Variants in COL25A1 observed in about 807,000 individuals in gnomAD.
COL25A1 encodes the protein collagen type XXV alpha 1 chain.
Under a neutral mutation model 128.4 loss-of-function variants are expected in COL25A1, and 103 were observed. The observed-to-expected ratio is 0.80, with a 90% CI of 0.68 to 0.94. The LOEUF is 0.94. COL25A1 is among the 40% of genes least tolerant of loss of function. The pLI is 0.00. For synonymous variants in COL25A1, 279 were observed against 277.2 expected (o/e 1.01, Z -0.06); for missense variants, 745 against 840.0 (o/e 0.89, Z 1.40).
intron 6 of COL25A1, among the ~76,000 whole-genome samples, chr4:108,978,667 C>T (rs1752668598): frequency 6.6e-6 from 1 of 152,016 alleles, no homozygotes; most frequent in African/African-American, 2.4e-5. Context: ...CCAACTAAAC[C>T]AAGCTCAACA....
At chr4:109,020,091 T>TACAG (rs1560551464) in intron 5 of COL25A1, among the ~76,000 whole-genome samples, 1 of 151,606 alleles carries the variant, frequency 6.6e-6, no homozygotes, top group African/African-American at 2.4e-5. Flanking sequence ...AATGATATAC[T>TACAG]AGAGAAGCAA....
chr4:108,836,693 A>C (rs1307908023), intron 31 of COL25A1, among the ~76,000 whole-genome samples: 3 of 151,994 alleles, frequency 2.0e-5, no homozygotes. Context: ...TTACACTGAT[A>C]ATATTATATC....
intron 8 of COL25A1, among the ~76,000 whole-genome samples, chr4:108,947,000 G>C (rs1748837913): frequency 6.6e-6 from 1 of 152,140 alleles, no homozygotes; most frequent in South Asian, 2.1e-4. Context: ...TCTGTAGCTT[G>C]GACAATGGAA....
chr4:109,189,062 G>A (rs1775372136), intron 3 of COL25A1, among the ~76,000 whole-genome samples: 1 of 144,860 alleles, frequency 6.9e-6, no homozygotes, highest in South Asian at 2.1e-4. Context: ...TTAAAAAGAT[G>A]GATAATATTT....
Position 109,047,728 on chromosome 4 carries a change from C to CTTTTTTTTTTTTTTT in COL25A1, c.420+425_420+439dup, listed in dbSNP as rs59105153. On this transcript the variant is annotated intron_variant, in intron 5 of 37. Coordinates refer to ENST00000399132, the MANE Select transcript of COL25A1 (RefSeq NM_198721.4). ...TAATTTTCCAAACTTTAAGTATACT[C>CTTTTTTTTTTTTTTT]TTTTTTTTTTTTTTTTTTTTTTTAG... Among the ~76,000 whole-genome samples, 2 of 132,192 alleles carry CTTTTTTTTTTTTTTT rather than the reference C, an allele frequency of 1.5e-5. 1 individual carries two copies. The highest frequency in any genetic ancestry group is 4.6e-4 in the South Asian group (2 of 4,316). 86.7% of individuals were successfully genotyped at this position (132,192 alleles called of 152,430 possible).
chr4:109,033,753 A>G (rs1386697744), intron 5 of COL25A1, among the ~76,000 whole-genome samples: 8 of 152,138 alleles, frequency 5.3e-5, no homozygotes, highest in African/African-American at 1.9e-4. Context: ...AAAAAAAGCT[A>G]ATTTATTTTG....
At chr4:108,819,392 C>A in intron 35 of COL25A1, 63 bp from the exon 36 acceptor site, 1 of 1,333,658 alleles carries the variant, frequency 7.5e-7, no homozygotes, top group East Asian at 2.4e-5. Flanking sequence ...ACAAATTCTG[C>A]GAAAGAAGTA....
intron 33 of COL25A1, among the ~76,000 whole-genome samples, chr4:108,826,568 T>A (rs183041625): frequency 6.6e-6 from 1 of 152,230 alleles, no homozygotes; most frequent in Non-Finnish European, 1.5e-5. Context: ...AGAGAAGAAT[T>A]TTCAGAAGAC....
At chr4:109,010,083 C>T (rs992731900) in intron 6 of COL25A1, among the ~76,000 whole-genome samples, 9 of 152,282 alleles carry the variant, frequency 5.9e-5, no homozygotes, top group African/African-American at 1.7e-4. Context: ...TGCTGTCTTA[C>T]ATTACAGTCC....
intron 11 of COL25A1, among the ~76,000 whole-genome samples, chr4:108,921,332 C>G (rs531217136): frequency 1.2e-4 from 19 of 152,138 alleles, no homozygotes; most frequent in Non-Finnish European, 2.5e-4. Flanking sequence ...TTGGGATTCT[C>G]TTGGCTTTAT....
Position 109,070,355 on chromosome 4 carries a change from T to C in COL25A1, c.368-20176A>G, listed in dbSNP as rs940523156. ...AAGTTTATTTCATGTGCATAACATT[T>C]TTTAATCTTTTTTTTTTTTACTTAA... On this transcript the variant is annotated intron_variant, in intron 3 of 37. Transcript: ENST00000399132. Among the ~76,000 whole-genome samples, 5 of 108,548 alleles carry C rather than the reference T, an allele frequency of 4.6e-5. No homozygotes were observed. The Admixed American group carries it at 5.0e-4, about 11-fold the overall frequency. 71.2% of individuals were successfully genotyped at this position (108,548 alleles called of 152,430 possible).
At chr4:109,014,200 G>C (rs1479208393) in intron 5 of COL25A1, among the ~76,000 whole-genome samples, 1 of 152,098 alleles carries the variant, frequency 6.6e-6, no homozygotes, top group Non-Finnish European at 1.5e-5. Context: ...CCACCTACTT[G>C]GGAGGCTGAG....
chr4:108,844,711 C>CCTG, intron 29 of COL25A1, 142 bp from the exon 30 acceptor site: 1 of 1,223,800 alleles, frequency 8.2e-7, no homozygotes, highest in Admixed American at 3.5e-5. Context: ...GTGTTTGATT[C>CCTG]TCTAGATGTA....
chr4:109,212,453 A>G (rs1185227270), intron 3 of COL25A1, among the ~76,000 whole-genome samples: 1 of 152,198 alleles, frequency 6.6e-6, no homozygotes, highest in Non-Finnish European at 1.5e-5. Flanking sequence ...CAAGCATTCT[A>G]AAAGTCCTAT....
At chr4:109,007,390 T>C (rs1209004704) in intron 6 of COL25A1, among the ~76,000 whole-genome samples, 2 of 152,146 alleles carry the variant, frequency 1.3e-5, no homozygotes, top group South Asian at 4.1e-4. Context: ...AAATGATACA[T>C]GTAGTAGATT....
intron 3 of COL25A1, among the ~76,000 whole-genome samples, chr4:109,282,713 T>G (rs748449212): frequency 6.6e-6 from 1 of 152,234 alleles, no homozygotes; most frequent in Admixed American, 6.5e-5. Flanking sequence ...TAATGTGCCA[T>G]TTAGCTGTTC....
At chr4:109,201,333 G>A (rs555327948) in intron 3 of COL25A1, among the ~76,000 whole-genome samples, 1 of 152,216 alleles carries the variant, frequency 6.6e-6, no homozygotes, top group East Asian at 1.9e-4. Flanking sequence ...AGACCAATTT[G>A]ACATTTAAAA....
intron 20 of COL25A1, among the ~76,000 whole-genome samples, 179 bp downstream of exon 20, chr4:108,868,905 AAAAG>A (rs781147385): frequency 1.8e-4 from 25 of 135,200 alleles, no homozygotes; most frequent in East Asian, 9.7e-4. Context: ...AGGAAAGAGA[AAAAG>A]AAAGAAAGAG....
intron 5 of COL25A1, among the ~76,000 whole-genome samples, chr4:109,046,194 G>C (rs1306776106): frequency 6.6e-6 from 1 of 152,138 alleles, no homozygotes; most frequent in East Asian, 1.9e-4. Flanking sequence ...GTTGGTGTGA[G>C]AACAAAATGA....
Sources: allele counts gnomAD v4.1 joint callset (sites outside exome capture counted in the v4.1 genomes callset), GRCh38; gene constraint gnomAD v4.1.1; transcripts MANE v1.5; gene names NCBI Gene and HGNC (gene_info 2026-07-23, HGNC 2026-07-21).